The following PIP4K2C variants were observed in gnomAD, a reference collection of about 807,000 sequenced individuals.
PIP4K2C encodes the protein phosphatidylinositol 5-phosphate 4-kinase type-2 gamma.
In PIP4K2C, 21 loss-of-function variants were observed where a neutral mutation model predicts 45.0. The observed-to-expected ratio is 0.47, with a 90% confidence interval of 0.33 to 0.67. PIP4K2C has a LOEUF of 0.67. Ranked by LOEUF, PIP4K2C falls within the 30% of genes least tolerant of loss-of-function variation. PIP4K2C has a pLI of 0.02. For synonymous variants in PIP4K2C, 201 were observed against 204.8 expected, an observed-to-expected ratio of 0.98 and a Z score of 0.16; for missense variants, 456 against 542.8, an observed-to-expected ratio of 0.84 and a Z score of 1.59.
chr12:57,595,561 C>T (rs1883152405), intron 3 of PIP4K2C, among the ~76,000 whole-genome samples: 1 of 152,014 alleles, frequency 6.6e-6, no homozygotes, highest in Non-Finnish European at 1.5e-5. Flanking sequence ...GAAAATTAGC[C>T]AGGTGTGGTG....
At chr12:57,595,087 A>G (rs1376364804) in intron 2 of PIP4K2C, 39 bp from the exon 3 acceptor site, 1 of 1,269,538 alleles carries the variant, frequency 7.9e-7, no homozygotes, top group African/African-American at 1.5e-5. Flanking sequence ...TGTAAATGTA[A>G]TATTGTTTGT....
chr12:57,597,359 C>T (rs1883236317), intron 4 of PIP4K2C, among the ~76,000 whole-genome samples: 1 of 152,068 alleles, frequency 6.6e-6, no homozygotes, highest in Non-Finnish European at 1.5e-5. Context: ...ACACAGGGGC[C>T]TCCAAGTTCC....
chr12:57,595,453 C>T (rs1376508027), intron 3 of PIP4K2C, among the ~76,000 whole-genome samples: 1 of 152,136 alleles, frequency 6.6e-6, no homozygotes, highest in East Asian at 1.9e-4. Context: ...GCCTGTAATC[C>T]CAACACTTTG....
intron 2 of PIP4K2C, 120 bp from the exon 3 acceptor site, chr12:57,595,006 G>C: frequency 1.6e-6 from 1 of 639,606 alleles, no homozygotes; most frequent in Non-Finnish European, 2.8e-6. Context: ...AAAAAAAAAG[G>C]ACCTCACAGG....
Position 57,602,955 on chromosome 12 carries a change from C to CTT in PIP4K2C, c.*1361_*1362dup, listed in dbSNP as rs34140057. ...TCCTCCATCCCCCTTGAGGCTTCCA[C>CTT]TTTTTTTTTTTTTAGACATAAAGCT... On this transcript the variant is annotated 3_prime_UTR_variant, in exon 10 of 10. Transcript: ENST00000354947. 0.052 allele frequency: 7,669 copies of CTT among 146,418 alleles called. 241 individuals carry two copies. Among genetic ancestry groups the CTT allele is most frequent in the African/African-American group, 0.081 (3,261 of 40,180 alleles). The allele number at this position is 146,418 out of a possible 1,614,324, so 9.1% of individuals were successfully genotyped here. A position where few individuals can be genotyped will look rare whatever the true frequency, so the allele number is the denominator to read the frequency against.
chr12:57,597,772 GGA>G (rs1172050444), intron 4 of PIP4K2C, among the ~76,000 whole-genome samples: 2 of 152,178 alleles, frequency 1.3e-5, no homozygotes, highest in Admixed American at 1.3e-4. Context: ...ACGACAGAGA[GGA>G]GGGGAATCAG....
intron 1 of PIP4K2C, among the ~76,000 whole-genome samples, chr12:57,593,625 C>CA (rs1555180404): frequency 3.7e-5 from 5 of 136,104 alleles, no homozygotes; most frequent in African/African-American, 1.4e-4. Context: ...TTTAAAATGC[C>CA]TTTTTTTTTC....
chr12:57,600,568 GT>G, intron 7 of PIP4K2C, 131 bp downstream of exon 7: 1 of 802,876 alleles, frequency 1.2e-6, no homozygotes, highest in Non-Finnish European at 2.0e-6. Context: ...CTATATGGGG[GT>G]TTAGTATGAG....
chr12:57,592,118 G>A (rs981390559), intron 1 of PIP4K2C, among the ~76,000 whole-genome samples: 3 of 152,172 alleles, frequency 2.0e-5, no homozygotes, highest in Non-Finnish European at 4.4e-5. Context: ...GCTGGCTAGA[G>A]CGATCGTGTT....
chr12:57,601,159 A>T, intron 8 of PIP4K2C, 81 bp downstream of exon 8: 4 of 1,593,582 alleles, frequency 2.5e-6, no homozygotes, highest in Non-Finnish European at 3.4e-6. Context: ...GGAGAGCCTG[A>T]TTAGCTTTTC....
At chr12:57,594,376 T>A (rs1285321024) in intron 2 of PIP4K2C, among the ~76,000 whole-genome samples, 1 of 152,194 alleles carries the variant, frequency 6.6e-6, no homozygotes, top group Non-Finnish European at 1.5e-5. Context: ...TCTCTTTTTC[T>A]GCTTGTGACC....
intron 4 of PIP4K2C, among the ~76,000 whole-genome samples, chr12:57,596,776 C>T (rs756871244): frequency 1.3e-5 from 2 of 152,182 alleles, no homozygotes; most frequent in African/African-American, 2.4e-5. Flanking sequence ...CCAGTATTAG[C>T]ACACCGCAAG....
intron 6 of PIP4K2C, 86 bp downstream of exon 6, chr12:57,599,524 C>G: frequency 1.4e-6 from 2 of 1,405,878 alleles, no homozygotes; most frequent in Non-Finnish European, 2.0e-6. Flanking sequence ...AGAGGCCACT[C>G]TATATAGGAA....
At chr12:57,599,250 G>C in intron 5 of PIP4K2C, 39 bp downstream of exon 5, 2 of 1,611,286 alleles carry the variant, frequency 1.2e-6, no homozygotes, top group Non-Finnish European at 8.5e-7. Flanking sequence ...GGAGGCTCCT[G>C]ATAGCCTGAG....
chr12:57,599,000 TC>T, intron 4 of PIP4K2C, 64 bp from the exon 5 acceptor site: 1 of 1,555,824 alleles, frequency 6.4e-7, no homozygotes, highest in Non-Finnish European at 8.8e-7. Context: ...TGTTTGAACT[TC>T]CCTGGGCTGT....
rs200394978 is a variant in PIP4K2C, at chr12:57,591,256, T to C, written c.-34T>C. 3 of 1,573,696 alleles carry C rather than the reference T, an allele frequency of 1.9e-6. No individual in the cohort carries two copies. The highest frequency in any genetic ancestry group is 1.8e-5 in the Admixed American group (1 of 56,366). On this transcript the variant is annotated 5_prime_UTR_variant, in exon 1 of 10. Transcript: ENST00000354947. ...GTCGGGCGCCTGGATAGCTGCCGGCTCCGGCTTCCACTTGGTCGGTTGCGC... is the reference window on the plus strand; with the variant it reads ...GTCGGGCGCCTGGATAGCTGCCGGCCCCGGCTTCCACTTGGTCGGTTGCGC...
chr12:57,596,700 G>A (rs1485216524), intron 4 of PIP4K2C, among the ~76,000 whole-genome samples: 3 of 152,208 alleles, frequency 2.0e-5, no homozygotes, highest in Admixed American at 1.3e-4. Context: ...AGGCAGTAGA[G>A]TAGGAGGTAA....
chr12:57,595,781 ATCTC>A, intron 3 of PIP4K2C, 103 bp from the exon 4 acceptor site: 1 of 1,244,796 alleles, frequency 8.0e-7, no homozygotes, highest in South Asian at 1.3e-5. Context: ...ACTGTGCTGA[ATCTC>A]CTACCCCAGG....
rs904703943 is a variant in PIP4K2C at position 57,603,385 on chromosome 12, A to G, written c.*1779A>G. 1 of 150,036 alleles carries G rather than the reference A, an allele frequency of 6.7e-6. No individual in the cohort carries two copies. Among genetic ancestry groups the G allele is most frequent in the Non-Finnish European group, 1.5e-5 (1 of 67,634 alleles). The allele number at this position is 150,036 out of a possible 1,614,324, so 9.3% of individuals were successfully genotyped here. On this transcript the variant is annotated 3_prime_UTR_variant, in exon 10 of 10. Coordinates refer to ENST00000354947, the MANE Select transcript of PIP4K2C (RefSeq NM_024779.5). Reference sequence around the variant, plus strand: ...AATTTATGTATTTGCTCCTGTTACTATAATAATACAGGGAATAAATTATTC... The same window carrying G: ...AATTTATGTATTTGCTCCTGTTACTGTAATAATACAGGGAATAAATTATTC...
Sources: gnomAD v4.1 joint callset for allele counts (sites outside exome capture counted in the v4.1 genomes callset) on GRCh38, gnomAD v4.1.1 for gene constraint, MANE v1.5 for transcripts, NCBI Gene and HGNC (gene_info 2026-07-23, HGNC 2026-07-21) for gene names.